Variants in HELLS observed in about 807,000 individuals in gnomAD.
HELLS encodes the protein helicase, lymphoid specific, also known as lymphoid-specific helicase.
In HELLS, 32 loss-of-function variants were observed where a neutral mutation model predicts 120.0. That is an observed-to-expected ratio of 0.27 (90% CI 0.20 to 0.36). HELLS has a LOEUF of 0.36. Ranked by LOEUF, HELLS falls within the 10% of genes least tolerant of loss-of-function variation. The pLI is 1.00. For missense variants in HELLS, 650 were observed against 993.4 expected (o/e 0.65, Z 4.65); for synonymous variants, 341 against 323.4 (o/e 1.05, Z -0.58).
At chr10:94,570,573 TTC>T (rs1844092957) in intron 6 of HELLS, 1 of 151,952 alleles carries the variant, frequency 6.6e-6, no homozygotes, top group African/African-American at 2.4e-5. Context: ...GCCTTCTATA[TTC>T]TCTCTGCTTG....
chr10:94,577,894 T>TA (rs1041508218), intron 10 of HELLS, among the ~76,000 whole-genome samples: 3 of 152,054 alleles, frequency 2.0e-5, no homozygotes, highest in African/African-American at 7.2e-5. Context: ...ACCCCGTCTC[T>TA]ACTAAAAATT....
chr10:94,576,569 T>A, intron 9 of HELLS, 93 bp from the exon 10 acceptor site: 1 of 658,318 alleles, frequency 1.5e-6, no homozygotes. Flanking sequence ...TTTAAAATTA[T>A]ATTTTTTCCC....
chr10:94,586,811 C>T (rs543349326), intron 12 of HELLS, among the ~76,000 whole-genome samples: 1 of 152,208 alleles, frequency 6.6e-6, no homozygotes, highest in East Asian at 1.9e-4. Flanking sequence ...CCTGCCTCAG[C>T]CTTCCGAGTA....
intron 15 of HELLS, among the ~76,000 whole-genome samples, chr10:94,591,796 G>GA (rs1845502631): frequency 1.3e-5 from 2 of 152,158 alleles, no homozygotes; most frequent in South Asian, 4.1e-4. Flanking sequence ...ACCAGAAGGT[G>GA]AAAAAGTCTT....
At chr10:94,589,811 C>T (rs1412980052) in intron 13 of HELLS, among the ~76,000 whole-genome samples, 8 of 151,292 alleles carry the variant, frequency 5.3e-5, no homozygotes, top group Non-Finnish European at 1.0e-4. Flanking sequence ...CTCAGCCTCC[C>T]GAGTAGCTGG....
chr10:94,612,278 A>G (rs1235744800), exon 10 of HELLS: 2 of 152,218 alleles, frequency 1.3e-5, no homozygotes, highest in East Asian at 3.9e-4. Flanking sequence ...GTGTTGCTGC[A>G]ATGTATGTAT....
Position 94,554,219 on chromosome 10 carries a change from T to C in HELLS, c.247T>C (p.Leu83=). The C allele has an allele frequency of 6.4e-7, 1 of 1,572,158 alleles. No individual in the cohort carries two copies. The highest frequency in any genetic ancestry group is 8.6e-7 in the Non-Finnish European group (1 of 1,166,756). Residue 83 remains leucine, a synonymous_variant, in exon 3 of 22, where the codon TTG becomes CTG. Transcript: ENST00000348459. ...AAGCAATATATACTCCAAATTTTTA[T>C]TGACGAAAATGGAACAGCAACAATT... ...EKSNIYSKFL[L]TKMEQQQLEE...
In HELLS at chr10:94,574,307, G is replaced by A. The variant is rs1844328492; in HGVS notation, c.705+120G>A. On this transcript the variant is annotated intron_variant, in intron 8 of 21. Coordinates refer to ENST00000348459, the MANE Select transcript of HELLS (RefSeq NM_018063.5). Reference sequence around the variant, plus strand: ...TTTCACTATTATACATTTGTATGTGGATACTTGCTTTCTGATTTCTTTACC... The same window carrying A: ...TTTCACTATTATACATTTGTATGTGAATACTTGCTTTCTGATTTCTTTACC... 2.3e-5 allele frequency: 17 copies of A among 742,268 alleles called. No homozygotes were observed. In the East Asian group the frequency reaches 4.2e-4, roughly 19 times the overall value. 46.0% of individuals were successfully genotyped at this position (742,268 alleles called of 1,614,324 possible).
At chr10:94,561,777 T>A (rs142657477) in intron 4 of HELLS, among the ~76,000 whole-genome samples, 2 of 152,094 alleles carry the variant, frequency 1.3e-5, no homozygotes, top group Non-Finnish European at 2.9e-5. Flanking sequence ...AGAAACTGTT[T>A]CTTAACATCT....
In HELLS at chr10:94,602,074, C is replaced by T. The variant is rs1846062493; in HGVS notation, c.*452C>T. The stretch of plus-strand genomic sequence containing the variant: ...GAGTCTATTTCTATGAGATAGTTTA[C>T]CAAATAAATGTTCCTTATAAGATGA... On this transcript the variant is annotated 3_prime_UTR_variant, in exon 22 of 22. Coordinates refer to ENST00000348459, the MANE Select transcript of HELLS (RefSeq NM_018063.5). 2 of 152,504 alleles carry T rather than the reference C, an allele frequency of 1.3e-5. No homozygotes were observed. The allele number at this position is 152,504 out of a possible 1,614,324, so 9.4% of individuals were successfully genotyped here.
chr10:94,607,379 A>G (rs1249254989), intron 8 of HELLS, among the ~76,000 whole-genome samples: 4 of 152,160 alleles, frequency 2.6e-5, no homozygotes, highest in Admixed American at 6.5e-5. Context: ...GGGGTGTTTA[A>G]CACCTGTTTC....
intron 11 of HELLS, 78 bp from the exon 12 acceptor site, chr10:94,582,885 C>A (rs1844945229): frequency 1.3e-6 from 1 of 768,152 alleles, no homozygotes; most frequent in Non-Finnish European, 2.1e-6. Flanking sequence ...CAGATTATTA[C>A]TGTAAATGAT....
At chr10:94,561,918 T>TAC (rs1420485609) in intron 4 of HELLS, among the ~76,000 whole-genome samples, 7 of 151,868 alleles carry the variant, frequency 4.6e-5, no homozygotes, top group Admixed American at 1.3e-4. Flanking sequence ...TGAAGGGTAT[T>TAC]CCTTCAATAC....
intron 4 of HELLS, among the ~76,000 whole-genome samples, chr10:94,561,765 C>T (rs1843564329): frequency 6.6e-6 from 1 of 152,074 alleles, no homozygotes; most frequent in Non-Finnish European, 1.5e-5. Context: ...CTGCACCTGG[C>T]CAGAAACTGT....
At chr10:94,577,002 A>G in intron 10 of HELLS, 197 bp downstream of exon 10, 1 of 602,640 alleles carries the variant, frequency 1.7e-6, no homozygotes, top group Admixed American at 3.0e-5. Context: ...CATTTGTAAC[A>G]ATATAATTAA....
chr10:94,555,132 G>A (rs943855121), intron 3 of HELLS, among the ~76,000 whole-genome samples: 1 of 151,764 alleles, frequency 6.6e-6, no homozygotes, highest in African/African-American at 2.4e-5. Flanking sequence ...GACAGAGCAA[G>A]ACCCTGTCTC....
intron 21 of HELLS, among the ~76,000 whole-genome samples, chr10:94,600,339 G>A (rs1424237346): frequency 1.3e-5 from 2 of 151,404 alleles, no homozygotes; most frequent in Non-Finnish European, 2.9e-5. Flanking sequence ...AAAACAGACT[G>A]TTGTTAAAAT....
intron 13 of HELLS, among the ~76,000 whole-genome samples, chr10:94,589,658 C>T (rs1180155141): frequency 6.7e-6 from 1 of 150,234 alleles, no homozygotes; most frequent in African/African-American, 2.4e-5. Flanking sequence ...ACAATAGGAC[C>T]ACCAGACTCT....
At chr10:94,573,924 G>C (rs748576417) in intron 7 of HELLS, 36 bp from the exon 8 acceptor site, 2 of 1,225,622 alleles carry the variant, frequency 1.6e-6, no homozygotes, top group South Asian at 2.6e-5. Flanking sequence ...GCAGCATTTT[G>C]TATAACACAT....
Sources: gnomAD v4.1 joint callset for allele counts (sites outside exome capture counted in the v4.1 genomes callset) on GRCh38, gnomAD v4.1.1 for gene constraint, MANE v1.5 for transcripts, NCBI Gene and HGNC (gene_info 2026-07-23, HGNC 2026-07-21) for gene names.